The following PPP4R3B variants were observed in gnomAD, a reference collection of about 807,000 sequenced individuals.
PPP4R3B encodes the protein serine/threonine-protein phosphatase 4 regulatory subunit 3B.
Under a neutral mutation model 95.4 loss-of-function variants are expected in PPP4R3B, and 52 were observed. That is an observed-to-expected ratio of 0.54 (90% CI 0.44 to 0.69). PPP4R3B has a LOEUF of 0.69. Among genes scored for constraint, PPP4R3B ranks in the 30% least tolerant of loss-of-function variants. PPP4R3B has a pLI of 0.00. For synonymous variants in PPP4R3B, 407 were observed against 343.9 expected (o/e 1.18, Z -2.03); for missense variants, 1,003 against 1,005.9 (o/e 1.00, Z 0.04).
At chr2:55,588,018 C>T (rs2627783) in intron 5 of PPP4R3B, among the ~76,000 whole-genome samples, 106,741 of 152,050 alleles carry the variant, frequency 0.7, 38,302 homozygotes, top group Non-Finnish European at 0.77. Flanking sequence ...ATTACTATAA[C>T]ATATACTTTC....
At chr2:55,612,607 C>G (rs1694320514) in intron 2 of PPP4R3B, among the ~76,000 whole-genome samples, 1 of 151,962 alleles carries the variant, frequency 6.6e-6, no homozygotes, top group Non-Finnish European at 1.5e-5. Flanking sequence ...CAAATTTAGC[C>G]TGGACAACAT....
intron 13 of PPP4R3B, 168 bp downstream of exon 13, chr2:55,568,026 A>T: frequency 2.5e-6 from 1 of 393,670 alleles, no homozygotes. Flanking sequence ...TTAAAAAGCT[A>T]CTGATTTTTA....
At chr2:55,588,816 GA>G in intron 5 of PPP4R3B, 62 bp downstream of exon 5, 1 of 1,077,722 alleles carries the variant, frequency 9.3e-7, no homozygotes, top group Non-Finnish European at 1.3e-6. Context: ...GCAAATTCAA[GA>G]TTAAAAGCTG....
At chr2:55,584,223 A>G (rs1444509289) in intron 7 of PPP4R3B, among the ~76,000 whole-genome samples, 1 of 152,208 alleles carries the variant, frequency 6.6e-6, no homozygotes, top group Non-Finnish European at 1.5e-5. Context: ...AATAATAAAA[A>G]AAGAGTACTT....
rs1435668348 is a variant in PPP4R3B at position 55,577,405 on chromosome 2, C to G, written c.1565-49G>C. Reference sequence around the variant, plus strand: ...AATAAAATACTTCAGTAATAATATCCCAGATTTCCCTAGTACTTTATAATA... The same window carrying G: ...AATAAAATACTTCAGTAATAATATCGCAGATTTCCCTAGTACTTTATAATA... On this transcript the variant is annotated intron_variant, in intron 10 of 16. Transcript: ENST00000616407. The G allele has an allele frequency of 5.1e-6, 7 of 1,368,048 alleles. No homozygotes were observed. The South Asian group carries it at 1.2e-4, about 23-fold the overall frequency. The allele number at this position is 1,368,048 out of a possible 1,614,324, so 84.7% of individuals were successfully genotyped here. A position where few individuals can be genotyped will look rare whatever the true frequency, so the allele number is the denominator to read the frequency against.
intron 11 of PPP4R3B, among the ~76,000 whole-genome samples, chr2:55,575,600 C>A (rs1243666055): frequency 6.6e-6 from 1 of 152,088 alleles, no homozygotes; most frequent in African/African-American, 2.4e-5. Context: ...GATATACCAC[C>A]ATGCCCAGTA....
At chr2:55,557,350 C>T (rs918451719) in intron 16 of PPP4R3B, among the ~76,000 whole-genome samples, 2 of 152,048 alleles carry the variant, frequency 1.3e-5, no homozygotes, top group Admixed American at 6.6e-5. Flanking sequence ...GCCACCACAC[C>T]CAGCTAATTT....
At chr2:55,597,151 C>CA (rs1213223742) in intron 4 of PPP4R3B, among the ~76,000 whole-genome samples, 2 of 152,054 alleles carry the variant, frequency 1.3e-5, no homozygotes, top group Non-Finnish European at 2.9e-5. Context: ...TGCTGCATAA[C>CA]ACTGCAAATA....
intron 3 of PPP4R3B, among the ~76,000 whole-genome samples, chr2:55,602,917 C>T (rs1446376365): frequency 6.6e-6 from 1 of 151,562 alleles, no homozygotes; most frequent in Non-Finnish European, 1.5e-5. Flanking sequence ...TAAGTGAAAA[C>T]AGTAATAAAC....
chr2:55,599,413 G>A (rs1692243628), intron 3 of PPP4R3B, among the ~76,000 whole-genome samples: 1 of 151,852 alleles, frequency 6.6e-6, no homozygotes, highest in African/African-American at 2.4e-5. Flanking sequence ...ACTCCAGCCT[G>A]GAAGACAAAG....
chr2:55,601,733 C>G (rs1004754569), intron 3 of PPP4R3B, among the ~76,000 whole-genome samples: 1 of 152,074 alleles, frequency 6.6e-6, no homozygotes, highest in Non-Finnish European at 1.5e-5. Context: ...TAGAATCTAC[C>G]AACTCTTACT....
rs1306457599 is a variant in PPP4R3B at position 55,564,978 on chromosome 2, C to T, written c.1999G>A (p.Glu667Lys). 1 of 1,610,338 alleles carries T rather than the reference C, an allele frequency of 6.2e-7. No individual in the cohort carries two copies. The highest frequency in any genetic ancestry group is 1.7e-5 in the Admixed American group (1 of 59,480). Residue 667 changes from glutamate to lysine, a missense_variant, in exon 14 of 17, where the codon GAA (glutamate) becomes AAA (lysine). Glu to Lys is a moderately conservative substitution (Grantham distance 56). This residue lies in a region of PPP4R3B where 79 missense variants were observed against 124.9 expected (regional missense o/e 0.63). Coordinates refer to ENST00000616407, the MANE Select transcript of PPP4R3B (RefSeq NM_001122964.3). ...AATCCTTTGAATGTCTGAACATATT[C>T]AATCGATTCAAGTGCTTTATAAAAG... ...ENFYKALESI[E>K]YVQTFKGLKT...
At chr2:55,604,965 A>C (rs140280831) in intron 2 of PPP4R3B, among the ~76,000 whole-genome samples, 5,704 of 151,982 alleles carry the variant, frequency 0.038, 145 homozygotes, top group South Asian at 0.091. Flanking sequence ...TCAGCCTCCC[A>C]AGTAGCTGGG....
intron 15 of PPP4R3B, among the ~76,000 whole-genome samples, chr2:55,561,868 G>C (rs1020354929): frequency 6.6e-6 from 1 of 152,148 alleles, no homozygotes; most frequent in Non-Finnish European, 1.5e-5. Flanking sequence ...ATGAGACTTT[G>C]GACTTGGACT....
chr2:55,596,184 C>A (rs954682844), intron 4 of PPP4R3B, among the ~76,000 whole-genome samples: 1 of 152,068 alleles, frequency 6.6e-6, no homozygotes, highest in Admixed American at 6.6e-5. Context: ...AAAAAAAGTA[C>A]AGCTTGCTGC....
intron 2 of PPP4R3B, among the ~76,000 whole-genome samples, chr2:55,609,202 A>C (rs1446603757): frequency 6.6e-6 from 1 of 152,040 alleles, no homozygotes; most frequent in Non-Finnish European, 1.5e-5. Context: ...GCTGGAGTGC[A>C]GTTGGCTATT....
chr2:55,608,798 T>A (rs183629224), intron 2 of PPP4R3B, among the ~76,000 whole-genome samples: 44 of 152,166 alleles, frequency 2.9e-4, no homozygotes, highest in African/African-American at 1.0e-3. Flanking sequence ...AGCCTGGGCA[T>A]CATAGTGAGA....
In PPP4R3B at chr2:55,549,887, G is replaced by A. The variant is rs1685047631; in HGVS notation, c.*24C>T. 1 of 1,550,656 alleles carries A rather than the reference G, an allele frequency of 6.4e-7. No homozygotes were observed. The highest frequency in any genetic ancestry group is 1.7e-5 in the Admixed American group (1 of 59,834). ...CAGTTGCAGCATTGTAAGACCACAT[G>A]TTGAGGGTCCCCTAATAAATATTTT... is the stretch of plus-strand genomic sequence containing the variant. On this transcript the variant is annotated 3_prime_UTR_variant, in exon 17 of 17. Coordinates refer to ENST00000616407, the MANE Select transcript of PPP4R3B (RefSeq NM_001122964.3).
intron 12 of PPP4R3B, among the ~76,000 whole-genome samples, chr2:55,571,018 T>C (rs1271729674): frequency 2.0e-5 from 3 of 152,084 alleles, no homozygotes; most frequent in East Asian, 1.9e-4. Context: ...CATTTAAATA[T>C]TGGAAATTGT....
Sources: gnomAD v4.1 joint callset for allele counts (sites outside exome capture counted in the v4.1 genomes callset) on GRCh38, gnomAD v4.1.1 for gene constraint, gnomAD v4.1.1 regional missense constraint, MANE v1.5 for transcripts, NCBI Gene and HGNC (gene_info 2026-07-23, HGNC 2026-07-21) for gene names.